SLC8A1: variants seen among roughly 807,000 people sequenced by gnomAD.
The protein encoded by SLC8A1 is sodium/calcium exchanger 1.
Under a neutral mutation model 68.3 loss-of-function variants are expected in SLC8A1, and 18 were observed. The ratio of observed to expected loss-of-function variants is 0.26; its 90% CI spans 0.18 to 0.39. The LOEUF is 0.39. Among genes scored for constraint, SLC8A1 ranks in the 10% least tolerant of loss-of-function variants. The pLI is 1.00. For synonymous variants in SLC8A1, 475 were observed against 415.5 expected (o/e 1.14, Z -1.74); for missense variants, 985 against 1,156.7 (o/e 0.85, Z 2.15).
In SLC8A1 at chr2:40,507,220, G is replaced by A. The variant is rs561325893; in HGVS notation, c.-25+5129C>T. 5.9e-5 allele frequency among the ~76,000 whole-genome samples: 9 copies of A among 151,780 alleles called. No individual in the cohort carries two copies. In the East Asian group the frequency reaches 9.7e-4, roughly 16 times the overall value. ...ATGATTCTTATCTCATTTTCCAATC[G>A]TCTTTACTTACATAATGTTGCAGAG... On this transcript the variant is annotated intron_variant, in intron 1 of 7. Transcript: ENST00000402441.
chr2:40,220,227 AG>A (rs1178144459), intron 2 of SLC8A1: 21 of 152,108 alleles, frequency 1.4e-4, no homozygotes, highest in Non-Finnish European at 2.9e-4. Flanking sequence ...AAGAAGCAGG[AG>A]GAAAACAGTG....
At chr2:40,135,123 A>G (rs574408289) in intron 7 of SLC8A1, among the ~76,000 whole-genome samples, 275 of 152,366 alleles carry the variant, frequency 1.8e-3, no homozygotes, top group Non-Finnish European at 3.4e-3. Context: ...ATGGGCCCAA[A>G]GAACAGCAGG....
intron 2 of SLC8A1, among the ~76,000 whole-genome samples, chr2:40,369,876 C>A (rs1036356459): frequency 2.4e-4 from 17 of 71,962 alleles, no homozygotes; most frequent in African/African-American, 1.6e-3. Flanking sequence ...AGAAAAAAAA[C>A]CAAAAAAATA....
intron 2 of SLC8A1, among the ~76,000 whole-genome samples, chr2:40,206,840 A>T (rs2148745949): frequency 6.6e-6 from 1 of 152,204 alleles, no homozygotes; most frequent in East Asian, 1.9e-4. Flanking sequence ...AGCTCGGCGA[A>T]AATGGTTTTC....
chr2:40,430,905 C>T (rs1006584959), intron 1 of SLC8A1, among the ~76,000 whole-genome samples: 3 of 152,172 alleles, frequency 2.0e-5, no homozygotes, highest in Non-Finnish European at 2.9e-5. Flanking sequence ...TATTGCTCCA[C>T]ACTTACTTGG....
At chr2:40,260,051 C>T (rs2064480014) in intron 2 of SLC8A1, among the ~76,000 whole-genome samples, 1 of 152,164 alleles carries the variant, frequency 6.6e-6, no homozygotes, top group South Asian at 2.1e-4. Context: ...CAACTTATAC[C>T]TGAACACTTT....
At chr2:40,366,367 T>G (rs2149492542) in intron 2 of SLC8A1, among the ~76,000 whole-genome samples, 1 of 152,228 alleles carries the variant, frequency 6.6e-6, no homozygotes, top group East Asian at 1.9e-4. Context: ...TTTGCCAATG[T>G]GTGATCTTGG....
intron 2 of SLC8A1, among the ~76,000 whole-genome samples, chr2:40,408,995 C>G (rs1691276712): frequency 6.6e-6 from 1 of 152,032 alleles, no homozygotes; most frequent in Non-Finnish European, 1.5e-5. Flanking sequence ...AAAGTTGTAA[C>G]TATACAGCGT....
chr2:40,332,130 A>C (rs2076478283), intron 2 of SLC8A1, among the ~76,000 whole-genome samples: 1 of 152,082 alleles, frequency 6.6e-6, no homozygotes, highest in African/African-American at 2.4e-5. Context: ...TTTTCTAAAC[A>C]GAGATTTACT....
At chr2:40,450,369 T>C (rs1576581984) in intron 1 of SLC8A1, among the ~76,000 whole-genome samples, 1 of 151,358 alleles carries the variant, frequency 6.6e-6, no homozygotes, top group African/African-American at 2.4e-5. Flanking sequence ...TGTGTGTGTG[T>C]GCACGCGCGC....
intron 2 of SLC8A1, among the ~76,000 whole-genome samples, chr2:40,308,052 A>C (rs948713106): frequency 2.6e-5 from 4 of 152,178 alleles, no homozygotes; most frequent in Non-Finnish European, 4.4e-5. Flanking sequence ...AAAAGTAAAC[A>C]AACACTTTTC....
chr2:40,460,242 T>G (rs1703262801), intron 1 of SLC8A1, among the ~76,000 whole-genome samples: 3 of 152,134 alleles, frequency 2.0e-5, no homozygotes, highest in Admixed American at 1.3e-4. Context: ...AAAAGAAAAA[T>G]AAAAATCTCT....
intron 2 of SLC8A1, among the ~76,000 whole-genome samples, chr2:40,397,637 C>T (rs899897713): frequency 6.6e-6 from 1 of 152,146 alleles, no homozygotes; most frequent in Admixed American, 6.5e-5. Flanking sequence ...ATCAGAACCA[C>T]ATATGTATAG....
At chr2:40,384,416 G>A (rs894035076) in intron 2 of SLC8A1, among the ~76,000 whole-genome samples, 3 of 151,988 alleles carry the variant, frequency 2.0e-5, no homozygotes, top group Admixed American at 2.0e-4. Context: ...GTCTCAAGCA[G>A]AACAGAACCT....
intron 2 of SLC8A1, chr2:40,250,346 C>T (rs551286045): frequency 6.6e-6 from 1 of 152,258 alleles, no homozygotes; most frequent in African/African-American, 2.4e-5. Context: ...GAAGAGATTA[C>T]AAGTACTAAC....
intron 2 of SLC8A1, among the ~76,000 whole-genome samples, chr2:40,335,107 A>C (rs1158953092): frequency 6.6e-6 from 1 of 152,236 alleles, no homozygotes; most frequent in Non-Finnish European, 1.5e-5. Context: ...ATTTCCTGCT[A>C]AGATAAATAG....
At chr2:40,180,484 A>T (rs1333431109) in intron 2 of SLC8A1, among the ~76,000 whole-genome samples, 1 of 152,212 alleles carries the variant, frequency 6.6e-6, no homozygotes, top group Non-Finnish European at 1.5e-5. Flanking sequence ...ACAGTCTTGC[A>T]ATCTTAAACT....
At chr2:40,303,609 A>G (rs1302631280) in intron 2 of SLC8A1, among the ~76,000 whole-genome samples, 1 of 152,146 alleles carries the variant, frequency 6.6e-6, no homozygotes, top group Non-Finnish European at 1.5e-5. Flanking sequence ...GAAGAGAAAA[A>G]CACATGGCAA....
At chr2:40,101,648 G>A (rs2033899211) in exon 8 of SLC8A1, 1 of 152,048 alleles carries the variant, frequency 6.6e-6, no homozygotes, top group Non-Finnish European at 1.5e-5. Flanking sequence ...ATATCTGAAT[G>A]CATTATCTTT....
Sources: gnomAD v4.1 joint callset for allele counts (sites outside exome capture counted in the v4.1 genomes callset) on GRCh38, gnomAD v4.1.1 for gene constraint, MANE v1.5 for transcripts, NCBI Gene and HGNC (gene_info 2026-07-23, HGNC 2026-07-21) for gene names.